Variants in MYLK observed in about 807,000 individuals in gnomAD.
MYLK encodes the protein myosin light chain kinase, smooth muscle.
A neutral mutation model predicts 203.4 loss-of-function variants in MYLK; 106 were observed. The ratio of observed to expected loss-of-function variants is 0.52; its 90% CI spans 0.45 to 0.61. The LOEUF (loss-of-function observed/expected upper bound fraction) is 0.61, where lower values mean the gene tolerates loss of function less well. Ranked by LOEUF, MYLK falls within the 20% of genes least tolerant of loss-of-function variation. The pLI, the probability that MYLK is intolerant of heterozygous loss-of-function variation, is 0.00. For synonymous variants in MYLK, 867 were observed against 959.5 expected (o/e 0.90, Z 1.78); for missense variants, 2,072 against 2,442.3 (o/e 0.85, Z 3.20).
intron 3 of MYLK, among the ~76,000 whole-genome samples, chr3:123,821,929 T>G (rs1459991728): frequency 6.6e-6 from 1 of 152,164 alleles, no homozygotes; most frequent in Non-Finnish European, 1.5e-5. Context: ...TTTTGAGAGG[T>G]GGGACCTTTA....
At position 123,610,091 on chromosome 3, in the gene MYLK, A is replaced by G. The variant is rs1295366524; in HGVS notation, c.*4014T>C. Reference sequence around the variant, plus strand: ...ATTATCCAATACAATTGATGAAACTATAGACCATACTCTCTAGACTTTCAC... The same window carrying G: ...ATTATCCAATACAATTGATGAAACTGTAGACCATACTCTCTAGACTTTCAC... On this transcript the variant is annotated 3_prime_UTR_variant, in exon 34 of 34. Coordinates refer to ENST00000360304, the MANE Select transcript of MYLK (RefSeq NM_053025.4). 6.6e-6 allele frequency: 1 copy of G among 152,262 alleles called. No individual in the cohort carries two copies. Among genetic ancestry groups the G allele is most frequent in the African/African-American group, 2.4e-5 (1 of 41,464 alleles). The allele number at this position is 152,262 out of a possible 1,614,324, so 9.4% of individuals were successfully genotyped here.
At chr3:123,746,027 T>A (rs903917493) in intron 5 of MYLK, among the ~76,000 whole-genome samples, 6 of 151,906 alleles carry the variant, frequency 3.9e-5, no homozygotes, top group Non-Finnish European at 8.8e-5. Context: ...ATGGCTAATT[T>A]TTATGTTTTT....
chr3:123,738,925 C>T lies in MYLK; in HGVS notation c.560G>A (p.Arg187Gln), dbSNP rs762477499. 1.2e-5 allele frequency: 19 copies of T among 1,612,054 alleles called. No individual in the cohort carries two copies. Among genetic ancestry groups the T allele is most frequent in the South Asian group, 1.1e-4 (10 of 90,510 alleles). Residue 187 changes from arginine (R) to glutamine (Q), a missense_variant, in exon 7 of 34, where the codon CGG (arginine) becomes CAG (glutamine). By Grantham distance (43) the Arg-to-Gln change is conservative (BLOSUM62 1). Transcript: ENST00000360304. ...MGRFSCKITG[R>Q]PQPQVTWLKG... Reference sequence around the variant, plus strand: ...GAGCCAGGTGACCTGCGGTTGGGGCCGGCCAGTGATCTTGCAGGAGAATCG... The same window carrying T: ...GAGCCAGGTGACCTGCGGTTGGGGCTGGCCAGTGATCTTGCAGGAGAATCG...
In MYLK at chr3:123,844,668, C is replaced by CA. The variant is rs2066668691; in HGVS notation, c.-126-12999dup. 2.6e-5 allele frequency among the ~76,000 whole-genome samples: 4 copies of CA among 152,228 alleles called. No individual in the cohort carries two copies. The South Asian group carries it at 8.3e-4, about 32-fold the overall frequency. ...ATTCTACAACTCTTAGTTCTGTCTG[C>CA]ACCCAGCCCACTCTTCCCTCAGAAG... On this transcript the variant is annotated intron_variant, in intron 2 of 33. Coordinates refer to ENST00000360304, the MANE Select transcript of MYLK (RefSeq NM_053025.4).
At chr3:123,872,888 A>G (rs4558690) in intron 2 of MYLK, among the ~76,000 whole-genome samples, 15,286 of 152,120 alleles carry the variant, frequency 0.1, 1,199 homozygotes, top group East Asian at 0.36. Context: ...CCCAGATGTT[A>G]GGGCAGGGTG....
At chr3:123,709,948 C>T in intron 13 of MYLK, 55 bp from the exon 14 acceptor site, 8 of 1,608,716 alleles carry the variant, frequency 5.0e-6, no homozygotes, top group South Asian at 4.4e-5. Flanking sequence ...ATTCAACAAA[C>T]ACAGACTAAA....
At position 123,709,891 on chromosome 3, in the gene MYLK, T is replaced by C. The variant is rs751023438; in HGVS notation, c.1807A>G (p.Lys603Glu). The stretch of plus-strand genomic sequence containing the variant: ...TACTCACTCTTCCTGCTACTCTTCT[T>C]TTCTGTGTGGTAGAAAACAGAACGT... ...SCSAWVTVHEKKSSRKSEYLL... is the reference protein window; with the variant it reads ...SCSAWVTVHEEKSSRKSEYLL... Residue 603 changes from lysine (K) to glutamate (E), a missense_variant and splice_region_variant, in exon 14 of 34, where the codon AAG becomes GAG. Lys to Glu is a moderately conservative substitution (Grantham distance 56). Around this residue, in one of 3 missense-constraint regions of MYLK, gnomAD observed 865 missense variants for 1,016.0 expected, o/e 0.85. Transcript: ENST00000360304. The C allele has an allele frequency of 1.4e-5, 22 of 1,613,950 alleles. No individual in the cohort carries two copies. The highest frequency in any genetic ancestry group is 1.8e-5 in the Non-Finnish European group (21 of 1,180,012).
chr3:123,677,607 G>A (rs778441223), intron 20 of MYLK, among the ~76,000 whole-genome samples: 4 of 152,010 alleles, frequency 2.6e-5, no homozygotes, highest in Non-Finnish European at 4.4e-5. Context: ...AGGAGTGCAC[G>A]AAGTGTTTTA....
At chr3:123,701,317 C>G in intron 17 of MYLK, 121 bp downstream of exon 17, 2 of 1,053,040 alleles carry the variant, frequency 1.9e-6, no homozygotes, top group East Asian at 2.4e-5. Context: ...TCCCTTCTGG[C>G]TTTGGCAGCC....
chr3:123,664,311 A>G, intron 22 of MYLK, 53 bp from the exon 23 acceptor site: 2 of 1,612,562 alleles, frequency 1.2e-6, no homozygotes, highest in Non-Finnish European at 1.7e-6. Context: ...TGGGCTAGGA[A>G]AGGAAGGGGG....
intron 3 of MYLK, among the ~76,000 whole-genome samples, chr3:123,815,643 T>C (rs2065723366): frequency 6.6e-6 from 1 of 152,150 alleles, no homozygotes; most frequent in Non-Finnish European, 1.5e-5. Flanking sequence ...GCCCTATCTA[T>C]GACATGGGTC....
chr3:123,769,520 A>G (rs890426667), intron 4 of MYLK, among the ~76,000 whole-genome samples: 1 of 152,228 alleles, frequency 6.6e-6, no homozygotes, highest in Non-Finnish European at 1.5e-5. Flanking sequence ...AGCACTGAGT[A>G]GCTAGCTGAC....
At chr3:123,830,672 T>TC (rs2066293926) in intron 3 of MYLK, among the ~76,000 whole-genome samples, 1 of 152,094 alleles carries the variant, frequency 6.6e-6, no homozygotes, top group Non-Finnish European at 1.5e-5. Flanking sequence ...CCTGCCAGCC[T>TC]CCTCTGCACT....
At chr3:123,809,136 A>G (rs2065469276) in intron 3 of MYLK, among the ~76,000 whole-genome samples, 1 of 152,204 alleles carries the variant, frequency 6.6e-6, no homozygotes, top group South Asian at 2.1e-4. Flanking sequence ...CAAGGCCTAC[A>G]GAGAAGAAAC....
rs2108123056 is a variant in MYLK, at chr3:123,641,697, C to T, written c.4620-1193G>A. On this transcript the variant is annotated intron_variant, in intron 27 of 33. Coordinates refer to ENST00000360304, the MANE Select transcript of MYLK (RefSeq NM_053025.4). ...TATAACCAACCAACCTACCTATCTT[C>T]CTTCCTTCCTTCCTTCCGTCCTTCC... 1.3e-5 allele frequency among the ~76,000 whole-genome samples: 2 copies of T among 149,148 alleles called. 1 individual carries two copies. The highest frequency in any genetic ancestry group is 4.3e-4 in the South Asian group (2 of 4,688).
intron 2 of MYLK, among the ~76,000 whole-genome samples, chr3:123,840,849 G>A (rs1019267343): frequency 8.5e-5 from 13 of 152,052 alleles, no homozygotes; most frequent in Admixed American, 5.2e-4. Flanking sequence ...ACAAAATTCC[G>A]TTTTCATTCA....
chr3:123,820,652 T>C (rs372311682), intron 3 of MYLK, among the ~76,000 whole-genome samples: 24,586 of 113,650 alleles, frequency 0.22, 2,636 homozygotes, highest in Non-Finnish European at 0.33. Context: ...CCCTCCTTCC[T>C]TCCTTCCTTC....
At chr3:123,684,166 C>T (rs1176972297) in intron 19 of MYLK, among the ~76,000 whole-genome samples, 1 of 152,132 alleles carries the variant, frequency 6.6e-6, no homozygotes, top group African/African-American at 2.4e-5. Context: ...TGGATCTCAG[C>T]CTCAGCTGTA....
chr3:123,771,696 A>G (rs573483201), intron 4 of MYLK, among the ~76,000 whole-genome samples: 1 of 152,344 alleles, frequency 6.6e-6, no homozygotes, highest in African/African-American at 2.4e-5. Context: ...AATTTTCTAA[A>G]TTGAAAATGC....
Sources: allele counts gnomAD v4.1 joint callset (sites outside exome capture counted in the v4.1 genomes callset), GRCh38; gene constraint gnomAD v4.1.1; regional missense constraint gnomAD v4.1.1; transcripts MANE v1.5; gene names NCBI Gene and HGNC (gene_info 2026-07-23, HGNC 2026-07-21).